The following SCEL variants were observed in gnomAD, a reference collection of about 807,000 sequenced individuals.
SCEL encodes the protein sciellin.
Under a neutral mutation model 117.6 loss-of-function variants are expected in SCEL, and 113 were observed. The observed-to-expected ratio is 0.96, with a 90% CI of 0.83 to 1.12. The LOEUF (loss-of-function observed/expected upper bound fraction) is 1.12. Ranked by LOEUF, SCEL falls within the 50% of genes most tolerant of loss-of-function variation. The pLI, the probability that SCEL is intolerant of heterozygous loss-of-function variation, is 0.00. For missense variants in SCEL, 785 were observed against 810.8 expected (o/e 0.97, Z 0.39); for synonymous variants, 270 against 256.2 (o/e 1.05, Z -0.51).
rs2090522188 is a variant in SCEL, at chr13:77,640,768, A to T, written c.1931A>T (p.His644Leu). 5.1e-6 allele frequency: 8 copies of T among 1,575,026 alleles called. No homozygotes were observed. Among genetic ancestry groups the T allele is most frequent in the Non-Finnish European group, 7.0e-6 (8 of 1,147,376 alleles). ...TTAGATGAATTACAAATTTGCTGCC[A>T]TTCTACTTGCTTTAAGGTAAGGATG... ...MILDELQICC[H>L]STCFKCEICK... The change falls in exon 31 of 33, where the codon CAT (histidine) becomes CTT (leucine). Residue 644 changes from histidine to leucine, a missense_variant. Physicochemically the swap from His to Leu is moderately conservative, Grantham distance 99. Coordinates refer to ENST00000349847, the MANE Select transcript of SCEL (RefSeq NM_144777.3).
At chr13:77,546,347 A>T (rs1178505511) in intron 1 of SCEL, among the ~76,000 whole-genome samples, 1 of 152,188 alleles carries the variant, frequency 6.6e-6, no homozygotes, top group Non-Finnish European at 1.5e-5. Context: ...GCAGTCACAC[A>T]GACCTAACTG....
intron 11 of SCEL, 43 bp downstream of exon 11, chr13:77,591,503 T>G: frequency 2.8e-6 from 3 of 1,069,276 alleles, no homozygotes; most frequent in Non-Finnish European, 4.3e-6. Flanking sequence ...GTAGTAATGA[T>G]AAAGTATGCT....
At chr13:77,567,652 C>T (rs767326989) in intron 5 of SCEL, 28 bp from the exon 6 acceptor site, 13 of 1,519,912 alleles carry the variant, frequency 8.6e-6, no homozygotes, top group African/African-American at 1.4e-5. Context: ...AATATTTATC[C>T]AGACTTTTGT....
At chr13:77,590,889 C>G (rs1279948278) in intron 10 of SCEL, among the ~76,000 whole-genome samples, 1 of 151,922 alleles carries the variant, frequency 6.6e-6, no homozygotes, top group Non-Finnish European at 1.5e-5. Context: ...TGTGCCAGAA[C>G]CTAACATAAT....
At chr13:77,612,377 G>A (rs909813993) in intron 22 of SCEL, among the ~76,000 whole-genome samples, 3 of 150,968 alleles carry the variant, frequency 2.0e-5, no homozygotes, top group African/African-American at 7.3e-5. Flanking sequence ...ATATCTTGGG[G>A]TAGTGTGAAT....
Position 77,599,843 on chromosome 13 carries a change from G to A in SCEL, c.917+95G>A, listed in dbSNP as rs891448389. 12 of 879,668 alleles carry A rather than the reference G, an allele frequency of 1.4e-5. No individual in the cohort carries two copies. The African/African-American group carries it at 1.8e-4, about 13-fold the overall frequency. 54.5% of individuals were successfully genotyped at this position (879,668 alleles called of 1,614,324 possible). Reference sequence around the variant, plus strand: ...CCTGCTTAGTACAAGGGTCAGGCAGGCTGGTGGAATAAGCCTTAGACTGGG... The same window carrying A: ...CCTGCTTAGTACAAGGGTCAGGCAGACTGGTGGAATAAGCCTTAGACTGGG... On this transcript the variant is annotated intron_variant, in intron 15 of 32. Coordinates refer to ENST00000349847, the MANE Select transcript of SCEL (RefSeq NM_144777.3).
intron 14 of SCEL, 34 bp downstream of exon 14, chr13:77,599,422 C>G: frequency 6.4e-7 from 1 of 1,553,076 alleles, no homozygotes; most frequent in Non-Finnish European, 8.9e-7. Context: ...GAAAATCTTA[C>G]CTTGCAGATT....
chr13:77,632,056 A>G (rs900431741), intron 28 of SCEL, among the ~76,000 whole-genome samples: 1 of 152,192 alleles, frequency 6.6e-6, no homozygotes, highest in Admixed American at 6.5e-5. Context: ...TCCTCTTCTT[A>G]TGAGGATTCC....
intron 1 of SCEL, among the ~76,000 whole-genome samples, chr13:77,536,530 T>C (rs112537431): frequency 1.2e-4 from 19 of 152,328 alleles, no homozygotes; most frequent in African/African-American, 4.3e-4. Flanking sequence ...GATTAATGTA[T>C]ATGGGGGCAA....
chr13:77,594,049 G>A (rs1044661512), intron 12 of SCEL, among the ~76,000 whole-genome samples: 17 of 151,898 alleles, frequency 1.1e-4, no homozygotes, highest in African/African-American at 3.9e-4. Flanking sequence ...ATGCATGCAC[G>A]AATTAAACAT....
intron 30 of SCEL, among the ~76,000 whole-genome samples, chr13:77,637,480 C>A (rs552565306): frequency 6.7e-6 from 1 of 150,222 alleles, no homozygotes; most frequent in Non-Finnish European, 1.5e-5. Context: ...TGTTTCTTGT[C>A]ATGTATGTGC....
chr13:77,569,117 C>T (rs904903848), intron 7 of SCEL, among the ~76,000 whole-genome samples: 7 of 152,288 alleles, frequency 4.6e-5, no homozygotes, highest in South Asian at 2.1e-4. Context: ...TCTGAATTTC[C>T]GACAGTTAAT....
intron 11 of SCEL, 74 bp downstream of exon 11, chr13:77,591,534 G>T (rs1460622825): frequency 9.6e-6 from 8 of 837,552 alleles, no homozygotes; most frequent in Non-Finnish European, 9.6e-6. Flanking sequence ...ATTAAAAAAT[G>T]CAAGGCAATT....
chr13:77,572,065 CAT>C, intron 8 of SCEL, 57 bp from the exon 9 acceptor site: 1 of 1,373,502 alleles, frequency 7.3e-7, no homozygotes, highest in South Asian at 1.2e-5. Flanking sequence ...TATTTTCAGA[CAT>C]GTGGGTGGGA....
At chr13:77,593,126 T>C (rs9318489) in intron 11 of SCEL, among the ~76,000 whole-genome samples, 15,758 of 152,214 alleles carry the variant, frequency 0.1, 1,356 homozygotes, top group East Asian at 0.44. Context: ...GTCAGTTAAA[T>C]GGATTTTGTT....
intron 1 of SCEL, among the ~76,000 whole-genome samples, chr13:77,542,604 G>A (rs1403654658): frequency 2.0e-5 from 3 of 152,184 alleles, no homozygotes; most frequent in African/African-American, 7.2e-5. Flanking sequence ...TTCCCAGCCT[G>A]ATGATTTTTG....
chr13:77,604,528 G>T, intron 19 of SCEL, 113 bp downstream of exon 19: 1 of 774,054 alleles, frequency 1.3e-6, no homozygotes. Flanking sequence ...AACAAACTGA[G>T]CTCTTTTTTC....
intron 9 of SCEL, among the ~76,000 whole-genome samples, chr13:77,577,186 G>T (rs1275777790): frequency 2.0e-5 from 3 of 152,076 alleles, no homozygotes; most frequent in African/African-American, 7.2e-5. Flanking sequence ...GACTAGAACT[G>T]GTGAGAAAGG....
chr13:77,606,494 G>A (rs2088201979), intron 19 of SCEL: 1 of 152,078 alleles, frequency 6.6e-6, no homozygotes, highest in Non-Finnish European at 1.5e-5. Flanking sequence ...TTATTTTTTT[G>A]AATACACAAG....
Sources: allele counts gnomAD v4.1 joint callset (sites outside exome capture counted in the v4.1 genomes callset), GRCh38; gene constraint gnomAD v4.1.1; transcripts MANE v1.5; gene names NCBI Gene and HGNC (gene_info 2026-07-23, HGNC 2026-07-21).